CDC42BPA: variants seen among roughly 807,000 people sequenced by gnomAD.
CDC42BPA encodes the protein CDC42 binding protein kinase alpha.
CDC42BPA carries 80 observed loss-of-function variants against 223.5 expected under a neutral mutation model. The observed-to-expected ratio is 0.36, with a 90% CI of 0.30 to 0.43. The LOEUF (loss-of-function observed/expected upper bound fraction) is 0.43, where lower values mean the gene tolerates loss of function less well. CDC42BPA is among the 20% of genes least tolerant of loss of function. CDC42BPA has a pLI of 1.00. For missense variants in CDC42BPA, 1,743 were observed against 2,099.9 expected (o/e 0.83, Z 3.32); for synonymous variants, 694 against 718.6 (o/e 0.97, Z 0.55).
At chr1:227,295,389 G>C (rs561657814) in intron 1 of CDC42BPA, among the ~76,000 whole-genome samples, 6 of 151,946 alleles carry the variant, frequency 3.9e-5, no homozygotes, top group Admixed American at 3.9e-4. Flanking sequence ...AAACTCCTAG[G>C]TTCAAGTGAT....
At chr1:227,148,771 GCAAAAAAAAA>G (rs1661163956) in intron 6 of CDC42BPA, among the ~76,000 whole-genome samples, 2 of 7,712 alleles carry the variant, frequency 2.6e-4, no homozygotes, top group African/African-American at 8.7e-4. Flanking sequence ...GGTCTCAAAA[GCAAAAAAAAA>G]AAAAAAAAAA....
At chr1:227,050,345 T>C (rs1231525600) in intron 22 of CDC42BPA, among the ~76,000 whole-genome samples, 1 of 152,090 alleles carries the variant, frequency 6.6e-6, no homozygotes, top group East Asian at 1.9e-4. Flanking sequence ...AATGGGGAAC[T>C]CACACACACT....
At chr1:227,005,217 C>G in intron 34 of CDC42BPA, 106 bp from the exon 35 acceptor site, 1 of 780,534 alleles carries the variant, frequency 1.3e-6, no homozygotes, top group Non-Finnish European at 2.2e-6. Flanking sequence ...ATCATCTTGA[C>G]CAGAATGACA....
chr1:227,135,232 T>C (rs998548064), intron 10 of CDC42BPA, among the ~76,000 whole-genome samples: 3 of 152,200 alleles, frequency 2.0e-5, no homozygotes, highest in African/African-American at 4.8e-5. Context: ...CCTAAGCATA[T>C]GGTGCTTTTA....
chr1:227,147,627 A>T, intron 6 of CDC42BPA, 68 bp from the exon 7 acceptor site: 1 of 824,554 alleles, frequency 1.2e-6, no homozygotes, highest in Non-Finnish European at 1.8e-6. Context: ...GTTACTTAAG[A>T]TACACAATAG....
At chr1:227,011,127 C>T (rs1011111165) in intron 34 of CDC42BPA, 2 of 867,154 alleles carry the variant, frequency 2.3e-6, no homozygotes, top group African/African-American at 1.8e-5. Flanking sequence ...TCACATTTCA[C>T]AAAACATGCA....
intron 10 of CDC42BPA, among the ~76,000 whole-genome samples, chr1:227,129,698 A>T (rs896784829): frequency 1.2e-5 from 1 of 82,320 alleles, no homozygotes; most frequent in Non-Finnish European, 2.6e-5. Context: ...AAAAAAATCC[A>T]CTGCATATAT....
chr1:227,084,133 T>A (rs2149173833), intron 16 of CDC42BPA, among the ~76,000 whole-genome samples: 1 of 152,348 alleles, frequency 6.6e-6, no homozygotes. Context: ...TCATATAGTA[T>A]TATTTTTAAA....
chr1:227,279,931 G>T (rs1003227148), intron 1 of CDC42BPA, among the ~76,000 whole-genome samples: 1 of 152,030 alleles, frequency 6.6e-6, no homozygotes, highest in Non-Finnish European at 1.5e-5. Flanking sequence ...GGTGGTGTGT[G>T]CCTGTAATCC....
At chr1:227,253,365 G>T (rs1488511293) in intron 2 of CDC42BPA, among the ~76,000 whole-genome samples, 1 of 152,160 alleles carries the variant, frequency 6.6e-6, no homozygotes, top group Non-Finnish European at 1.5e-5. Context: ...GGAGGACAAG[G>T]TGGGCAGATC....
intron 1 of CDC42BPA, among the ~76,000 whole-genome samples, chr1:227,296,039 G>A (rs1242276773): frequency 6.6e-6 from 1 of 152,160 alleles, no homozygotes; most frequent in Non-Finnish European, 1.5e-5. Context: ...ATATGGAACT[G>A]CAAGGAGCCC....
At chr1:227,193,994 CT>C in intron 4 of CDC42BPA, 60 bp from the exon 5 acceptor site, 1 of 1,232,062 alleles carries the variant, frequency 8.1e-7, no homozygotes, top group Admixed American at 2.2e-5. Flanking sequence ...AATCAATATA[CT>C]GTATCCCAAG....
chr1:227,272,122 A>G (rs533388072), intron 1 of CDC42BPA, among the ~76,000 whole-genome samples: 12 of 152,330 alleles, frequency 7.9e-5, no homozygotes, highest in Admixed American at 7.8e-4. Context: ...AGATTTTGGA[A>G]AAAGAAAGAG....
At chr1:227,244,782 A>C (rs1354072256) in intron 2 of CDC42BPA, among the ~76,000 whole-genome samples, 1 of 152,248 alleles carries the variant, frequency 6.6e-6, no homozygotes, top group African/African-American at 2.4e-5. Flanking sequence ...GCATTGAGGA[A>C]GACAGGAGAG....
At chr1:227,003,348 G>A (rs938507677) in intron 35 of CDC42BPA, among the ~76,000 whole-genome samples, 4 of 152,034 alleles carry the variant, frequency 2.6e-5, no homozygotes, top group Admixed American at 6.5e-5. Flanking sequence ...CTGCACTTAC[G>A]CTGGCACACT....
intron 14 of CDC42BPA, among the ~76,000 whole-genome samples, chr1:227,103,293 G>A (rs1181162066): frequency 6.6e-6 from 1 of 151,928 alleles, no homozygotes; most frequent in Non-Finnish European, 1.5e-5. Context: ...TAGCATATAA[G>A]ATAAACACAA....
chr1:227,237,711 C>G (rs1679307462), intron 2 of CDC42BPA, among the ~76,000 whole-genome samples: 1 of 152,150 alleles, frequency 6.6e-6, no homozygotes. Context: ...ATGGACTTTT[C>G]CAAATGGTTA....
intron 3 of CDC42BPA, among the ~76,000 whole-genome samples, chr1:227,212,083 T>C (rs1404981299): frequency 6.6e-6 from 1 of 151,938 alleles, no homozygotes; most frequent in Non-Finnish European, 1.5e-5. Flanking sequence ...TGAGGGTTTT[T>C]GTTTGTTTGT....
intron 2 of CDC42BPA, among the ~76,000 whole-genome samples, chr1:227,229,993 G>A (rs912101523): frequency 6.6e-6 from 1 of 152,144 alleles, no homozygotes; most frequent in Non-Finnish European, 1.5e-5. Flanking sequence ...TCTTACAATG[G>A]CAGACTCGTT....
Sources: gnomAD v4.1 joint callset for allele counts (sites outside exome capture counted in the v4.1 genomes callset) on GRCh38, gnomAD v4.1.1 for gene constraint, MANE v1.5 for transcripts, NCBI Gene and HGNC (gene_info 2026-07-23, HGNC 2026-07-21) for gene names.